The following NCAM2 variants were observed in gnomAD, a reference collection of about 807,000 sequenced individuals.
NCAM2 encodes N-CAM-2.
NCAM2 carries 30 observed loss-of-function variants against 98.1 expected under a neutral mutation model. That is an observed-to-expected ratio of 0.31 (90% CI 0.23 to 0.41). The LOEUF (loss-of-function observed/expected upper bound fraction) is 0.41. Among genes scored for constraint, NCAM2 ranks in the 10% least tolerant of loss-of-function variants. The pLI, the probability that NCAM2 is intolerant of heterozygous loss-of-function variation, is 1.00. For synonymous variants in NCAM2, 368 were observed against 342.4 expected, an observed-to-expected ratio of 1.07 and a Z score of -0.83; for missense variants, 867 against 1,005.8, an observed-to-expected ratio of 0.86 and a Z score of 1.87.
chr21:21,474,718 A>G (rs975249534), intron 14 of NCAM2, among the ~76,000 whole-genome samples: 1 of 151,998 alleles, frequency 6.6e-6, no homozygotes, highest in African/African-American at 2.4e-5. Context: ...TGCCTCATGG[A>G]TCCCTTGTCT....
chr21:21,533,220 T>C (rs963982961), intron 16 of NCAM2, among the ~76,000 whole-genome samples: 9 of 134,318 alleles, frequency 6.7e-5, no homozygotes, highest in Admixed American at 3.7e-4. Context: ...CAAATTTTAA[T>C]ATCCTATATC....
At chr21:21,321,858 C>G (rs757643584) in intron 5 of NCAM2, among the ~76,000 whole-genome samples, 16 of 152,184 alleles carry the variant, frequency 1.1e-4, no homozygotes, top group Non-Finnish European at 2.1e-4. Flanking sequence ...TGCTTATACA[C>G]TGTTGATGAG....
At chr21:21,510,556 G>A (rs1988303346) in intron 16 of NCAM2, among the ~76,000 whole-genome samples, 1 of 151,264 alleles carries the variant, frequency 6.6e-6, no homozygotes, top group South Asian at 2.1e-4. Flanking sequence ...CTTTTTCTAT[G>A]CATCTGTTGA....
chr21:21,043,040 G>A (rs939204254), intron 1 of NCAM2, among the ~76,000 whole-genome samples: 12 of 152,056 alleles, frequency 7.9e-5, no homozygotes, highest in African/African-American at 2.7e-4. Context: ...GAAATGGAAG[G>A]CATTCTTTTC....
chr21:21,393,184 A>G (rs1371935559), intron 9 of NCAM2, among the ~76,000 whole-genome samples: 3 of 152,026 alleles, frequency 2.0e-5, no homozygotes, highest in Non-Finnish European at 2.9e-5. Flanking sequence ...TTATCCCAGC[A>G]CCATTTATTG....
At chr21:21,534,902 A>C (rs1372096371) in intron 17 of NCAM2, among the ~76,000 whole-genome samples, 1 of 152,150 alleles carries the variant, frequency 6.6e-6, no homozygotes, top group Non-Finnish European at 1.5e-5. Flanking sequence ...GCAAAAGTAT[A>C]AAAAGGTAAG....
intron 9 of NCAM2, among the ~76,000 whole-genome samples, chr21:21,404,794 A>G (rs1352382041): frequency 6.6e-6 from 1 of 151,772 alleles, no homozygotes; most frequent in African/African-American, 2.4e-5. Context: ...TCGTATGTAC[A>G]TATATGTATA....
intron 1 of NCAM2, among the ~76,000 whole-genome samples, chr21:21,071,895 C>G (rs1357750259): frequency 6.7e-6 from 1 of 150,302 alleles, no homozygotes; most frequent in Non-Finnish European, 1.5e-5. Flanking sequence ...ATCTATCTAT[C>G]TATCTATCTA....
At chr21:21,372,076 G>A (rs232515) in intron 8 of NCAM2, among the ~76,000 whole-genome samples, 1,693 of 151,752 alleles carry the variant, frequency 0.011, 33 homozygotes, top group African/African-American at 0.038. Flanking sequence ...GACAATAAAC[G>A]TCTAGTCAGG....
intron 1 of NCAM2, among the ~76,000 whole-genome samples, chr21:21,252,451 C>T (rs1046753308): frequency 1.8e-4 from 27 of 150,800 alleles, no homozygotes; most frequent in East Asian, 1.7e-3. Flanking sequence ...ATAATATATA[C>T]GATATAATCT....
chr21:21,205,183 A>C (rs2069389621), intron 1 of NCAM2, among the ~76,000 whole-genome samples: 1 of 152,184 alleles, frequency 6.6e-6, no homozygotes, highest in Non-Finnish European at 1.5e-5. Context: ...TGCCGACAAA[A>C]ATTAAATATA....
intron 9 of NCAM2, among the ~76,000 whole-genome samples, chr21:21,396,864 A>C (rs1013162471): frequency 6.6e-5 from 10 of 152,342 alleles, no homozygotes; most frequent in African/African-American, 2.4e-4. Flanking sequence ...CTAGGCTCCC[A>C]GAAGGACCAC....
At chr21:21,322,157 C>G (rs1209704533) in intron 5 of NCAM2, among the ~76,000 whole-genome samples, 4 of 152,154 alleles carry the variant, frequency 2.6e-5, no homozygotes, top group Admixed American at 2.6e-4. Context: ...AAATCATGTC[C>G]TTTGCTGCAA....
intron 1 of NCAM2, among the ~76,000 whole-genome samples, chr21:21,181,775 C>A (rs1370162438): frequency 1.3e-5 from 2 of 152,064 alleles, no homozygotes; most frequent in Non-Finnish European, 2.9e-5. Flanking sequence ...CCTCTTCCTT[C>A]GTTTTTTTTC....
intron 1 of NCAM2, among the ~76,000 whole-genome samples, chr21:21,244,906 C>T (rs957097087): frequency 2.0e-5 from 3 of 147,370 alleles, no homozygotes; most frequent in African/African-American, 7.5e-5. Flanking sequence ...TATCCGTTAA[C>T]TTCATTTAAT....
intron 1 of NCAM2, among the ~76,000 whole-genome samples, chr21:21,190,050 A>G (rs1201292961): frequency 1.3e-5 from 2 of 152,194 alleles, no homozygotes; most frequent in Non-Finnish European, 2.9e-5. Context: ...TATATCCAAG[A>G]GAAGAATGCA....
At chr21:21,450,767 C>G (rs961624322) in intron 12 of NCAM2, among the ~76,000 whole-genome samples, 1 of 140,770 alleles carries the variant, frequency 7.1e-6, no homozygotes, top group Non-Finnish European at 1.5e-5. Flanking sequence ...TTCCTCCTCC[C>G]CATCATGTAT....
chr21:21,466,804 A>T, intron 13 of NCAM2, 79 bp downstream of exon 13: 1 of 1,403,152 alleles, frequency 7.1e-7, no homozygotes, highest in Middle Eastern at 2.1e-4. Flanking sequence ...AAATGTAGGG[A>T]GATGTTTCAA....
chr21:21,526,395 TTAAA>T (rs1034030095), intron 16 of NCAM2, among the ~76,000 whole-genome samples: 26 of 152,132 alleles, frequency 1.7e-4, no homozygotes, highest in African/African-American at 5.8e-4. Flanking sequence ...CCCCGCAAAA[TTAAA>T]TACTCAGCCG....
Sources: allele counts gnomAD v4.1 joint callset (sites outside exome capture counted in the v4.1 genomes callset), GRCh38; gene constraint gnomAD v4.1.1; transcripts MANE v1.5; gene names NCBI Gene and HGNC (gene_info 2026-07-23, HGNC 2026-07-21).